ELF1: variants seen among roughly 807,000 people sequenced by gnomAD.
The protein encoded by ELF1 is E74 like ETS transcription factor 1.
In ELF1, 24 loss-of-function variants were observed where a neutral mutation model predicts 59.9. The observed-to-expected ratio is 0.40, with a 90% CI of 0.29 to 0.56. The LOEUF (loss-of-function observed/expected upper bound fraction) is 0.56, where lower values mean the gene tolerates loss of function less well. Ranked by LOEUF, ELF1 falls within the 20% of genes least tolerant of loss-of-function variation. ELF1 has a pLI of 0.44. For missense variants in ELF1, 627 were observed against 742.2 expected (o/e 0.84, Z 1.80); for synonymous variants, 248 against 266.2 (o/e 0.93, Z 0.67).
rs1171735077 is a variant in ELF1 at position 40,940,904 on chromosome 13, T to C, written c.1256+17A>G. The C allele has an allele frequency of 4.4e-6, 7 of 1,595,254 alleles. No individual in the cohort carries two copies. The highest frequency in any genetic ancestry group is 5.1e-6 in the Non-Finnish European group (6 of 1,168,916). On this transcript the variant is annotated intron_variant, in intron 8 of 8. Coordinates refer to ENST00000239882, the MANE Select transcript of ELF1 (RefSeq NM_172373.4). Reference sequence around the variant, plus strand: ...AACATATTGAAGTGATAAGCATCAGTAGTTTGGTTTTCTCACCTAATACTC... The same window carrying C: ...AACATATTGAAGTGATAAGCATCAGCAGTTTGGTTTTCTCACCTAATACTC...
chr13:40,959,487 C>G (rs1871676748), intron 2 of ELF1, among the ~76,000 whole-genome samples: 1 of 151,964 alleles, frequency 6.6e-6, no homozygotes, highest in Non-Finnish European at 1.5e-5. Context: ...CAGAGTGAGG[C>G]TCCTTCTCAA....
chr13:41,036,033 T>C (rs890109385), intron 1 of ELF1, among the ~76,000 whole-genome samples: 3 of 151,906 alleles, frequency 2.0e-5, no homozygotes, highest in Admixed American at 6.6e-5. Flanking sequence ...GCCTCCCAAG[T>C]AGCTGGGACC....
chr13:41,050,762 G>A (rs1877054573), intron 1 of ELF1, among the ~76,000 whole-genome samples: 1 of 152,038 alleles, frequency 6.6e-6, no homozygotes, highest in African/African-American at 2.4e-5. Context: ...TATTTGCCAG[G>A]CTGGTCTCGA....
chr13:40,971,542 C>T (rs956636849), intron 2 of ELF1, among the ~76,000 whole-genome samples: 1 of 152,204 alleles, frequency 6.6e-6, no homozygotes, highest in Non-Finnish European at 1.5e-5. Context: ...TGCGCCACTG[C>T]GTCTGGCCAG....
intron 1 of ELF1, among the ~76,000 whole-genome samples, chr13:41,010,030 C>CT (rs1874957903): frequency 2.1e-5 from 3 of 145,330 alleles, no homozygotes; most frequent in Admixed American, 6.9e-5. Context: ...TTAAAGGAGT[C>CT]TTTTCTCAGA....
chr13:40,950,233 T>C (rs904463316), intron 4 of ELF1, among the ~76,000 whole-genome samples: 2 of 152,232 alleles, frequency 1.3e-5, no homozygotes, highest in Non-Finnish European at 2.9e-5. Context: ...TTCACATTGC[T>C]GTGAGAGTTA....
intron 1 of ELF1, chr13:40,993,279 C>T (rs753337112): frequency 1.0e-5 from 16 of 1,575,112 alleles, no homozygotes; most frequent in African/African-American, 4.1e-5. Flanking sequence ...GGTTTCCAGG[C>T]GCTTGAGACA....
At chr13:41,021,180 A>T (rs1446516078), upstream of ELF1, among the ~76,000 whole-genome samples, 1 of 152,214 alleles carries the variant, frequency 6.6e-6, no homozygotes, top group African/African-American at 2.4e-5. Flanking sequence ...CAGGTATCTA[A>T]AAGGATAAGC....
chr13:41,060,285 G>A (rs1877472991), intron 1 of ELF1, among the ~76,000 whole-genome samples: 1 of 152,252 alleles, frequency 6.6e-6, no homozygotes, highest in South Asian at 2.1e-4. Context: ...TGGTCCGGGC[G>A]CGGGCTCTGG....
At chr13:40,956,774 C>T (rs1871474228) in intron 3 of ELF1, among the ~76,000 whole-genome samples, 1 of 150,758 alleles carries the variant, frequency 6.6e-6, no homozygotes, top group Admixed American at 6.6e-5. Flanking sequence ...CTCACCACAA[C>T]TTCCGTCTCC....
intron 1 of ELF1, among the ~76,000 whole-genome samples, chr13:41,001,653 G>A (rs546812784): frequency 6.6e-6 from 1 of 152,242 alleles, no homozygotes; most frequent in African/African-American, 2.4e-5. Context: ...TGCCCTCATA[G>A]GGCTTAGAAT....
At position 40,941,111 on chromosome 13, in the gene ELF1, T is replaced by C. The variant is rs768401525; in HGVS notation, c.1066A>G (p.Lys356Glu). Residue 356 changes from lysine to glutamate, a missense_variant, in exon 8 of 9, where the codon AAA (lysine) becomes GAA (glutamate). By Grantham distance (56) the Lys-to-Glu change is moderately conservative. This residue lies in a region of ELF1 where 361 missense variants were observed against 396.1 expected (regional missense o/e 0.91). Coordinates refer to ENST00000239882, the MANE Select transcript of ELF1 (RefSeq NM_172373.4). Reference sequence around the variant, plus strand: ...GGTTGTGCAACTTCCACAGGATCTTTGGGTTTTGCAGCTTTAGAATTCCCT... The same window carrying C: ...GGTTGTGCAACTTCCACAGGATCTTCGGGTTTTGCAGCTTTAGAATTCCCT... The part of the protein sequence containing the change: ...KPGNSKAAKP[K>E]DPVEVAQPSE... 71 of 1,614,088 alleles carry C rather than the reference T, an allele frequency of 4.4e-5. No individual in the cohort carries two copies. The Admixed American group carries it at 1.2e-3, about 27-fold the overall frequency.
chr13:40,998,129 A>T (rs1466105852), intron 1 of ELF1, among the ~76,000 whole-genome samples: 1 of 152,212 alleles, frequency 6.6e-6, no homozygotes, highest in Non-Finnish European at 1.5e-5. Context: ...CCTGGAAGAC[A>T]GAGAGACCCT....
intron 1 of ELF1, among the ~76,000 whole-genome samples, chr13:40,998,287 T>G (rs1050700995): frequency 6.6e-6 from 1 of 152,184 alleles, no homozygotes; most frequent in East Asian, 1.9e-4. Flanking sequence ...TATACAACAG[T>G]AGTCCCCATG....
At chr13:40,936,760 C>CAAAAAAAAAA (rs368388366) in intron 8 of ELF1, among the ~76,000 whole-genome samples, 4 of 76,834 alleles carry the variant, frequency 5.2e-5, no homozygotes, top group Non-Finnish European at 8.9e-5. Context: ...GACTCCGTCT[C>CAAAAAAAAAA]AAAAAAAAAA....
At chr13:41,023,540 A>G (rs139747642), upstream of ELF1, among the ~76,000 whole-genome samples, 221 of 152,348 alleles carry the variant, frequency 1.5e-3, 1 homozygote, top group African/African-American at 5.0e-3. Context: ...GTTGATGTTA[A>G]TGCCTCTCAA....
intron 2 of ELF1, among the ~76,000 whole-genome samples, chr13:40,960,893 T>G (rs1050824432): frequency 6.6e-6 from 1 of 152,204 alleles, no homozygotes; most frequent in East Asian, 1.9e-4. Context: ...TTCTTTGAGA[T>G]GGAGTCTTGC....
chr13:41,019,281 GACA>G lies in ELF1; in HGVS notation c.-285_-283del, dbSNP rs929484059. The stretch of plus-strand genomic sequence containing the variant: ...TGAGCTTGAAAATAAAAAGCAATCC[GACA>G]AGTTTTAGCTGTTAAAATGGCTCCT... On this transcript the variant is annotated 5_prime_UTR_variant, in exon 1 of 9. Transcript: ENST00000239882. 2 of 985,216 alleles carry G rather than the reference GACA, an allele frequency of 2.0e-6. No individual in the cohort carries two copies. Among genetic ancestry groups the G allele is most frequent in the African/African-American group, 3.5e-5 (2 of 57,212 alleles). The allele number at this position is 985,216 out of a possible 1,614,324, so 61.0% of individuals were successfully genotyped here.
chr13:40,975,059 C>T (rs1296655734), intron 2 of ELF1, among the ~76,000 whole-genome samples: 1 of 152,110 alleles, frequency 6.6e-6, no homozygotes, highest in Admixed American at 6.5e-5. Context: ...TTTGATATGA[C>T]AAGATTTAAA....
Sources: allele counts gnomAD v4.1 joint callset (sites outside exome capture counted in the v4.1 genomes callset), GRCh38; gene constraint gnomAD v4.1.1; regional missense constraint gnomAD v4.1.1; transcripts MANE v1.5; gene names NCBI Gene and HGNC (gene_info 2026-07-23, HGNC 2026-07-21).